Variants in CDH12 observed in about 807,000 individuals in gnomAD.
CDH12 encodes cadherin-12.
A neutral mutation model predicts 74.1 loss-of-function variants in CDH12; 41 were observed. That is an observed-to-expected ratio of 0.55 (90% CI 0.43 to 0.72). The LOEUF (loss-of-function observed/expected upper bound fraction) is 0.72, where lower values mean the gene tolerates loss of function less well. Among genes scored for constraint, CDH12 ranks in the 30% least tolerant of loss-of-function variants. The pLI, the probability that CDH12 is intolerant of heterozygous loss-of-function variation, is 0.00. For missense variants in CDH12, 945 were observed against 977.2 expected, an observed-to-expected ratio of 0.97 and a Z score of 0.44; for synonymous variants, 399 against 355.0, an observed-to-expected ratio of 1.12 and a Z score of -1.39.
chr5:22,635,863 G>C (rs1458130592), intron 1 of CDH12, among the ~76,000 whole-genome samples: 3 of 151,952 alleles, frequency 2.0e-5, no homozygotes, highest in Non-Finnish European at 4.4e-5. Flanking sequence ...GCAGTCAGAG[G>C]AGATTGTGCC....
chr5:22,430,236 AG>A (rs1744111640), intron 2 of CDH12, among the ~76,000 whole-genome samples: 1 of 152,150 alleles, frequency 6.6e-6, no homozygotes, highest in Non-Finnish European at 1.5e-5. Context: ...TGTTCAAATT[AG>A]TAGTGCTTTC....
chr5:22,392,950 C>G (rs1397677694), intron 3 of CDH12, among the ~76,000 whole-genome samples: 1 of 152,110 alleles, frequency 6.6e-6, no homozygotes, highest in Non-Finnish European at 1.5e-5. Flanking sequence ...GCTACTCTCT[C>G]GGTCACCTCC....
intron 4 of CDH12, among the ~76,000 whole-genome samples, chr5:22,128,458 T>A (rs927253749): frequency 1.1e-4 from 16 of 152,160 alleles, no homozygotes; most frequent in African/African-American, 3.9e-4. Context: ...ATAAACTTAT[T>A]TCTATCACAC....
rs574210042 is a variant in CDH12 at position 22,646,629 on chromosome 5, T to A, written c.-522-141265A>T. 6.6e-5 allele frequency among the ~76,000 whole-genome samples: 10 copies of A among 151,962 alleles called. No homozygotes were observed. In the South Asian group the frequency reaches 2.1e-3, roughly 32 times the overall value. ...ACACAGTGGCAATAAACAAAGCAAA[T>A]ATTAGTGCAAGATTATAGATAAAAA... On this transcript the variant is annotated intron_variant, in intron 1 of 14. Transcript: ENST00000382254.
chr5:21,780,676 G>T (rs1189301417), intron 11 of CDH12, among the ~76,000 whole-genome samples: 3 of 152,144 alleles, frequency 2.0e-5, no homozygotes, highest in Admixed American at 1.3e-4. Flanking sequence ...GACTACCTCT[G>T]GTCAGTTGTC....
At chr5:21,956,860 T>C (rs1394439239) in intron 6 of CDH12, among the ~76,000 whole-genome samples, 5 of 152,310 alleles carry the variant, frequency 3.3e-5, no homozygotes, top group African/African-American at 1.2e-4. Flanking sequence ...AATTGAAAAT[T>C]GCAATGCCAT....
intron 4 of CDH12, among the ~76,000 whole-genome samples, chr5:22,198,683 C>G (rs1436676360): frequency 9.9e-5 from 15 of 152,092 alleles, no homozygotes; most frequent in Non-Finnish European, 2.9e-5. Context: ...ATGCACAAAA[C>G]TCAAGGCAGG....
At chr5:22,326,834 G>A (rs1194292730) in intron 3 of CDH12, among the ~76,000 whole-genome samples, 1 of 151,974 alleles carries the variant, frequency 6.6e-6, no homozygotes, top group Non-Finnish European at 1.5e-5. Context: ...TATCCAAAAG[G>A]CAGTGTTGTA....
intron 3 of CDH12, among the ~76,000 whole-genome samples, chr5:22,280,694 A>C (rs549703882): frequency 1.5e-4 from 23 of 152,346 alleles, no homozygotes; most frequent in African/African-American, 5.3e-4. Flanking sequence ...ATCTCTGAAT[A>C]GACCAATAAC....
intron 1 of CDH12, among the ~76,000 whole-genome samples, chr5:22,790,952 C>T (rs1747876138): frequency 6.6e-6 from 1 of 152,120 alleles, no homozygotes; most frequent in African/African-American, 2.4e-5. Context: ...CATGAAGGAC[C>T]TTTCAATCTT....
chr5:21,896,702 CA>C (rs568353456), intron 6 of CDH12, among the ~76,000 whole-genome samples: 3 of 151,808 alleles, frequency 2.0e-5, no homozygotes, highest in Non-Finnish European at 4.4e-5. Context: ...ACACGTGAAA[CA>C]AAAAAAACTT....
At chr5:22,445,019 G>C (rs1744769175) in intron 2 of CDH12, among the ~76,000 whole-genome samples, 1 of 151,850 alleles carries the variant, frequency 6.6e-6, no homozygotes, top group Admixed American at 6.6e-5. Flanking sequence ...TTCAATTAGA[G>C]AACTTACAGT....
At chr5:22,007,862 T>G (rs903357977) in intron 5 of CDH12, among the ~76,000 whole-genome samples, 2 of 152,230 alleles carry the variant, frequency 1.3e-5, no homozygotes, top group African/African-American at 4.8e-5. Context: ...ATTTTGTGGC[T>G]TTCCTAGATT....
intron 4 of CDH12, among the ~76,000 whole-genome samples, chr5:22,131,500 G>A (rs1746178967): frequency 1.3e-5 from 2 of 152,092 alleles, no homozygotes; most frequent in African/African-American, 4.8e-5. Context: ...TGCTCTTAGA[G>A]TTTTAGAACT....
At chr5:21,828,158 T>A (rs2149962186) in intron 8 of CDH12, among the ~76,000 whole-genome samples, 1 of 151,936 alleles carries the variant, frequency 6.6e-6, no homozygotes, top group Admixed American at 6.6e-5. Context: ...AGTCTCACTC[T>A]GTTGCCCAGG....
intron 3 of CDH12, among the ~76,000 whole-genome samples, chr5:22,299,150 A>G (rs1343617006): frequency 1.3e-5 from 2 of 152,194 alleles, no homozygotes; most frequent in African/African-American, 4.8e-5. Context: ...TTAGGAAAAT[A>G]AAGAGGAAGT....
intron 4 of CDH12, among the ~76,000 whole-genome samples, chr5:22,150,581 T>A (rs1189213262): frequency 2.0e-5 from 3 of 152,064 alleles, no homozygotes; most frequent in Non-Finnish European, 4.4e-5. Flanking sequence ...ATAGCTATGC[T>A]GAACATTTGG....
chr5:22,070,102 T>C (rs551954888), intron 5 of CDH12, among the ~76,000 whole-genome samples: 4 of 152,290 alleles, frequency 2.6e-5, no homozygotes, highest in Admixed American at 1.3e-4. Flanking sequence ...TTTAATATCT[T>C]TTTTCTTCCC....
chr5:22,486,383 C>A (rs918002730), intron 2 of CDH12, among the ~76,000 whole-genome samples: 1 of 150,870 alleles, frequency 6.6e-6, no homozygotes, highest in African/African-American at 2.4e-5. Context: ...TAAGTCAATA[C>A]AACAAGTAGA....
Sources: gnomAD v4.1 joint callset for allele counts (sites outside exome capture counted in the v4.1 genomes callset) on GRCh38, gnomAD v4.1.1 for gene constraint, MANE v1.5 for transcripts, NCBI Gene and HGNC (gene_info 2026-07-23, HGNC 2026-07-21) for gene names.